Variants in DOCK8 observed in about 807,000 individuals in gnomAD.
DOCK8 encodes dedicator of cytokinesis protein 8.
Under a neutral mutation model 245.6 loss-of-function variants are expected in DOCK8, and 141 were observed. The ratio of observed to expected loss-of-function variants is 0.57; its 90% CI spans 0.50 to 0.66. DOCK8 has a LOEUF of 0.66. Ranked by LOEUF, DOCK8 falls within the 30% of genes least tolerant of loss-of-function variation. The pLI is 0.00. For missense variants in DOCK8, 2,965 were observed against 2,603.4 expected, an observed-to-expected ratio of 1.14 and a Z score of -3.02; for synonymous variants, 1,168 against 970.2, an observed-to-expected ratio of 1.20 and a Z score of -3.79.
intron 14 of DOCK8, among the ~76,000 whole-genome samples, chr9:357,476 T>A (rs1294890531): frequency 1.3e-5 from 2 of 152,248 alleles, no homozygotes; most frequent in Admixed American, 1.3e-4. Context: ...TTTCTCTTTC[T>A]CTCTTTCTGT....
chr9:348,211 T>C (rs1267277830), intron 14 of DOCK8, among the ~76,000 whole-genome samples: 1 of 152,180 alleles, frequency 6.6e-6, no homozygotes, highest in African/African-American at 2.4e-5. Context: ...GATCGAAATC[T>C]TCTCATTTTG....
intron 45 of DOCK8, among the ~76,000 whole-genome samples, chr9:450,632 C>T (rs1199701703): frequency 2.6e-5 from 4 of 151,922 alleles, no homozygotes; most frequent in African/African-American, 4.8e-5. Context: ...TCTCATTCAG[C>T]GTAATTGGAT....
chr9:287,704 A>G (rs2048878640), intron 3 of DOCK8, among the ~76,000 whole-genome samples: 1 of 152,174 alleles, frequency 6.6e-6, no homozygotes, highest in Admixed American at 6.5e-5. Context: ...AAAGAAAAAC[A>G]TTGTCATTTT....
chr9:383,821 C>A (rs917213696), intron 22 of DOCK8, among the ~76,000 whole-genome samples: 1 of 149,308 alleles, frequency 6.7e-6, no homozygotes, highest in African/African-American at 2.5e-5. Context: ...TCTATGAATT[C>A]TTTATTTTTT....
chr9:416,157 G>A (rs1340164104), intron 29 of DOCK8, among the ~76,000 whole-genome samples: 1 of 152,176 alleles, frequency 6.6e-6, no homozygotes, highest in East Asian at 1.9e-4. Context: ...GCAAGGAAAT[G>A]ATAGAAACAA....
intron 5 of DOCK8, among the ~76,000 whole-genome samples, chr9:310,814 T>A (rs1362076565): frequency 6.6e-6 from 1 of 152,216 alleles, no homozygotes; most frequent in Non-Finnish European, 1.5e-5. Flanking sequence ...ATCAGAAAAT[T>A]AGTATGACAG....
At position 333,994 on chromosome 9, in the gene DOCK8, G is replaced by A. The variant is rs76183628; in HGVS notation, c.1126-231G>A. On this transcript the variant is annotated intron_variant, in intron 10 of 47. Coordinates refer to ENST00000432829, the MANE Select transcript of DOCK8 (RefSeq NM_203447.4). ...TAAAAATGTATTTTACTAATTAAAT[G>A]TAGCCTTTTTGTAAACTCCTCGTTT... is the stretch of plus-strand genomic sequence containing the variant. 3.3e-3 allele frequency among the ~76,000 whole-genome samples: 496 copies of A among 152,248 alleles called. 3 individuals are homozygous for A. Among genetic ancestry groups the A allele is most frequent in the African/African-American group, 0.012 (480 of 41,550 alleles).
intron 44 of DOCK8, among the ~76,000 whole-genome samples, chr9:448,957 C>T (rs1469242035): frequency 1.3e-5 from 2 of 152,178 alleles, no homozygotes; most frequent in African/African-American, 4.8e-5. Context: ...GAAATTCACC[C>T]TCAGTTGGAG....
chr9:344,891 A>T (rs13295023), intron 14 of DOCK8, among the ~76,000 whole-genome samples: 25,869 of 151,920 alleles, frequency 0.17, 2,489 homozygotes, highest in Non-Finnish European at 0.22. Flanking sequence ...GTCTCTACTA[A>T]AAATACAAAA....
intron 1 of DOCK8, among the ~76,000 whole-genome samples, chr9:217,147 G>T (rs2046775061): frequency 6.6e-6 from 1 of 152,160 alleles, no homozygotes; most frequent in Non-Finnish European, 1.5e-5. Context: ...AAAATGTCTT[G>T]TTAATGATTT....
chr9:398,583 G>A (rs1303121767), intron 25 of DOCK8, among the ~76,000 whole-genome samples: 2 of 152,082 alleles, frequency 1.3e-5, no homozygotes, highest in African/African-American at 4.8e-5. Flanking sequence ...CTTATTAATT[G>A]GGATTCATGG....
chr9:399,773 T>C (rs2054655177), intron 26 of DOCK8, among the ~76,000 whole-genome samples: 1 of 151,910 alleles, frequency 6.6e-6, no homozygotes, highest in East Asian at 1.9e-4. Flanking sequence ...ATCAGTGCCA[T>C]CCCCCCAGAT....
At chr9:418,903 A>C (rs2056152289) in intron 30 of DOCK8, among the ~76,000 whole-genome samples, 1 of 152,202 alleles carries the variant, frequency 6.6e-6, no homozygotes, top group African/African-American at 2.4e-5. Flanking sequence ...AAAAGACTGA[A>C]GGAGGCTGGT....
intron 20 of DOCK8, among the ~76,000 whole-genome samples, chr9:378,581 C>G (rs1282711248): frequency 2.6e-5 from 4 of 152,374 alleles, no homozygotes; most frequent in Admixed American, 1.3e-4. Flanking sequence ...TTGCAGAGCT[C>G]TGCCCTCCTT....
chr9:400,967 T>TCCTCCACCATCACCACCA (rs2055032953), intron 26 of DOCK8, among the ~76,000 whole-genome samples: 10 of 42,348 alleles, frequency 2.4e-4, no homozygotes, highest in Non-Finnish European at 3.7e-4. Context: ...CACCACCACC[T>TCCTCCACCATCACCACCA]CCTCCACCAT....
rs368464227 is a variant in DOCK8, at chr9:419,150, T to G, written c.3840+943T>G. Among the ~76,000 whole-genome samples the G allele has an allele frequency of 7.2e-5, 11 of 152,314 alleles. 1 individual carries two copies. Among genetic ancestry groups the G allele is most frequent in the African/African-American group, 2.6e-4 (11 of 41,570 alleles). On this transcript the variant is annotated intron_variant, in intron 30 of 47. Coordinates refer to ENST00000432829, the MANE Select transcript of DOCK8 (RefSeq NM_203447.4). ...CTCCAATGTCATTTACTTTCACATT[T>G]CAATGTAGGGTATAGATGTGCAGAG...
intron 46 of DOCK8, chr9:459,941 C>G (rs1195436329): frequency 6.6e-6 from 1 of 152,320 alleles, no homozygotes; most frequent in Non-Finnish European, 1.5e-5. Context: ...CCACCTCCAC[C>G]ACATCCTATT....
chr9:413,457 A>C (rs2055847906), intron 28 of DOCK8, among the ~76,000 whole-genome samples: 5 of 152,212 alleles, frequency 3.3e-5, no homozygotes, highest in Admixed American at 3.3e-4. Context: ...ACCATCAAAA[A>C]AATGAAAAGG....
At chr9:225,562 T>C (rs979349262) in intron 1 of DOCK8, among the ~76,000 whole-genome samples, 2 of 152,190 alleles carry the variant, frequency 1.3e-5, no homozygotes, top group Non-Finnish European at 2.9e-5. Flanking sequence ...TACATACTTA[T>C]TCATTCATTC....
Sources: allele counts gnomAD v4.1 joint callset (sites outside exome capture counted in the v4.1 genomes callset), GRCh38; gene constraint gnomAD v4.1.1; transcripts MANE v1.5; gene names NCBI Gene and HGNC (gene_info 2026-07-23, HGNC 2026-07-21).